Variants in RPF1 observed in about 807,000 individuals in gnomAD.
RPF1 encodes the protein ribosome production factor 1 homolog, also known as ribosome production factor 1.
RPF1 carries 34 observed loss-of-function variants against 41.9 expected under a neutral mutation model. The observed-to-expected ratio is 0.81, with a 90% confidence interval of 0.62 to 1.08. RPF1 has a LOEUF of 1.08. Ranked by LOEUF, RPF1 falls within the 50% of genes least tolerant of loss-of-function variation. RPF1 has a pLI of 0.00. For missense variants in RPF1, 425 were observed against 435.2 expected (o/e 0.98, Z 0.21); for synonymous variants, 140 against 148.9 (o/e 0.94, Z 0.43).
intron 3 of RPF1, among the ~76,000 whole-genome samples, chr1:84,487,702 TAA>T (rs920901784): frequency 1.3e-5 from 2 of 152,156 alleles, no homozygotes; most frequent in African/African-American, 2.4e-5. Context: ...CTAAAATAAT[TAA>T]AGAGTTGCCT....
chr1:84,492,529 G>GT (rs1359375743), intron 5 of RPF1, among the ~76,000 whole-genome samples: 3 of 152,038 alleles, frequency 2.0e-5, no homozygotes, highest in African/African-American at 7.3e-5. Context: ...CAATTTCCTC[G>GT]TTTTTTAAAT....
chr1:84,495,076 CTTT>C (rs35554372), intron 5 of RPF1, among the ~76,000 whole-genome samples: 1 of 134,024 alleles, frequency 7.5e-6, no homozygotes, highest in Admixed American at 7.3e-5. Flanking sequence ...AATTAAATAG[CTTT>C]TTTTCACCTA....
chr1:84,494,018 AGTTT>A (rs980747730), intron 5 of RPF1, among the ~76,000 whole-genome samples: 69 of 152,210 alleles, frequency 4.5e-4, no homozygotes, highest in African/African-American at 1.6e-3. Context: ...GAAGGTATCT[AGTTT>A]GTTTTTCACT....
rs949598138 is a variant in RPF1, at chr1:84,495,281, T to A, written c.617-92T>A. 4 of 699,852 alleles carry A rather than the reference T, an allele frequency of 5.7e-6. No homozygotes were observed. In the African/African-American group the frequency reaches 7.3e-5, roughly 13 times the overall value. 43.4% of individuals were successfully genotyped at this position (699,852 alleles called of 1,614,324 possible). Reference sequence around the variant, plus strand: ...TCTGCCTATTCACTTGGGTACAGATTTTAGGGGCCTTTGGATGTAGAGGAC... The same window carrying A: ...TCTGCCTATTCACTTGGGTACAGATATTAGGGGCCTTTGGATGTAGAGGAC... On this transcript the variant is annotated intron_variant, in intron 5 of 8. Coordinates refer to ENST00000370654, the MANE Select transcript of RPF1 (RefSeq NM_025065.7).
rs142813262 is a variant in RPF1 at position 84,479,295 on chromosome 1, G to A, written c.14G>A (p.Gly5Glu). The A allele has an allele frequency of 1.0e-3, 1,624 of 1,600,456 alleles. 4 individuals are homozygous for A. Among genetic ancestry groups the A allele is most frequent in the South Asian group, 1.6e-3 (142 of 89,744 alleles). ...GGAGCCAAGACCATGGCGAAAGCCG[G>A]GGATAAGAGCAGCAGCAGCGGGAAG... MAKA[G>E]DKSSSSGKKS... Residue 5 changes from glycine to glutamate, a missense_variant, in exon 1 of 9, where the codon GGG becomes GAG. By Grantham distance (98) the Gly-to-Glu change is moderately conservative (BLOSUM62 -2). Transcript: ENST00000370654.
At chr1:84,497,203 C>T (rs1418983304) in intron 8 of RPF1, among the ~76,000 whole-genome samples, 1 of 150,542 alleles carries the variant, frequency 6.6e-6, no homozygotes, top group Admixed American at 6.7e-5. Context: ...ATAAGCAGTA[C>T]TTCACTTAGT....
At position 84,490,368 on chromosome 1, in the gene RPF1, A is replaced by G. The variant is rs916645307; in HGVS notation, c.512A>G (p.His171Arg). Residue 171 changes from histidine to arginine, a missense_variant, in exon 5 of 9, where the codon CAT becomes CGT. Transcript: ENST00000370654. ...EQLSTVIPNS[H>R]VYYRRGLALK... ...CTCTCCACAGTTATACCAAACTCAC[A>G]TGTTTATTACAGAAGAGGACTGGCT... The G allele has an allele frequency of 1.9e-6, 3 of 1,611,028 alleles. No individual in the cohort carries two copies. Among genetic ancestry groups the G allele is most frequent in the Admixed American group, 1.7e-5 (1 of 59,564 alleles).
chr1:84,479,485 G>C lies in RPF1; in HGVS notation c.204G>C (p.Thr68=), dbSNP rs545982996. 2.3e-5 allele frequency: 37 copies of C among 1,614,052 alleles called. No individual in the cohort carries two copies. The highest frequency in any genetic ancestry group is 1.2e-4 in the Admixed American group (7 of 60,000). Residue 68 remains threonine (T), a synonymous_variant, in exon 1 of 9, where the codon ACG becomes ACC. Coordinates refer to ENST00000370654, the MANE Select transcript of RPF1 (RefSeq NM_025065.7). ...KNKQRRHLMF[T]RWKQQQRKEK... ...AACAGCGGCGACACTTAATGTTCAC[G>C]CGGTGGAAACAGCAGCAGCGGAAGG... is the stretch of plus-strand genomic sequence containing the variant.
chr1:84,488,767 T>C lies in RPF1; in HGVS notation c.367-866T>C, dbSNP rs185471436. Among the ~76,000 whole-genome samples, 30 of 152,264 alleles carry C rather than the reference T, an allele frequency of 2.0e-4. 1 individual carries two copies. The highest frequency in any genetic ancestry group is 6.7e-4 in the African/African-American group (28 of 41,580). On this transcript the variant is annotated intron_variant, in intron 3 of 8. Transcript: ENST00000370654. ...TTGTTTTGTTTGTCATGAATGAATG[T>C]AGAATGTTATTAGATGTTTTCTTTG...
At chr1:84,491,927 T>C (rs1464226954) in intron 5 of RPF1, among the ~76,000 whole-genome samples, 1 of 152,186 alleles carries the variant, frequency 6.6e-6, no homozygotes, top group African/African-American at 2.4e-5. Flanking sequence ...TTGGGAGGCC[T>C]AGGCCAGCAG....
Position 84,495,924 on chromosome 1 carries a change from C to A in RPF1, c.742C>A (p.Leu248Met). Residue 248 changes from leucine (L) to methionine (M), a missense_variant, in exon 7 of 9, where the codon CTG (leucine) becomes ATG (methionine). By Grantham distance (15) the Leu-to-Met change is conservative. Transcript: ENST00000370654. ...CACAGAACACATACCTGAAATAATT[C>A]TGAATAATTTTACAACACGGCTGGG... Reference protein sequence around the residue: ...DPTEHIPEIILNNFTTRLGHS... With the variant: ...DPTEHIPEIIMNNFTTRLGHS... 2 of 1,610,560 alleles carry A rather than the reference C, an allele frequency of 1.2e-6. No homozygotes were observed. Among genetic ancestry groups the A allele is most frequent in the Non-Finnish European group, 8.5e-7 (1 of 1,177,388 alleles).
rs979666715 is a variant in RPF1, at chr1:84,497,431, C to T, written c.1011C>T (p.Pro337=). ...ACTCCCTTGCTTTCCACTTTCAGCC[C>T]CGGGAAATGGATACAAGTAGAAGAA... ...KYGEYEWVHK[P]REMDTSRRKF... is the part of the protein sequence containing the mutation. The change falls in exon 9 of 9, where the codon CCC becomes CCT. Residue 337 remains proline (P), a splice_region_variant and synonymous_variant. Transcript: ENST00000370654. The T allele has an allele frequency of 6.2e-6, 10 of 1,609,024 alleles. No individual in the cohort carries two copies. Among genetic ancestry groups the T allele is most frequent in the Admixed American group, 3.4e-5 (2 of 59,484 alleles).
At chr1:84,492,870 G>A (rs1033700552) in intron 5 of RPF1, among the ~76,000 whole-genome samples, 2 of 152,218 alleles carry the variant, frequency 1.3e-5, no homozygotes, top group Non-Finnish European at 2.9e-5. Flanking sequence ...GTGAGCAGCT[G>A]TCAGCAGGGG....
intron 4 of RPF1, 118 bp from the exon 5 acceptor site, chr1:84,490,201 C>T: frequency 1.5e-6 from 1 of 656,162 alleles, no homozygotes; most frequent in Non-Finnish European, 2.4e-6. Flanking sequence ...ATGCTTTCCT[C>T]AATGTTGCTT....
intron 5 of RPF1, among the ~76,000 whole-genome samples, chr1:84,494,671 A>G (rs905253895): frequency 5.3e-5 from 8 of 152,226 alleles, no homozygotes; most frequent in African/African-American, 1.7e-4. Flanking sequence ...CAGGACTTCT[A>G]GAGTCCTTGG....
At chr1:84,480,639 G>T (rs1360607801) in intron 1 of RPF1, among the ~76,000 whole-genome samples, 1 of 152,024 alleles carries the variant, frequency 6.6e-6, no homozygotes, top group Non-Finnish European at 1.5e-5. Flanking sequence ...AAAACACAGT[G>T]GAAACCATCA....
At chr1:84,496,526 A>G (rs1490614722) in intron 8 of RPF1, among the ~76,000 whole-genome samples, 156 bp downstream of exon 8, 2 of 151,276 alleles carry the variant, frequency 1.3e-5, no homozygotes, top group Non-Finnish European at 2.9e-5. Context: ...ACGTTTACCT[A>G]TGTAACAAAC....
intron 4 of RPF1, among the ~76,000 whole-genome samples, chr1:84,490,035 C>T (rs1681804454): frequency 6.6e-6 from 1 of 152,124 alleles, no homozygotes; most frequent in East Asian, 1.9e-4. Flanking sequence ...CCAGTAGCAA[C>T]CACACACCAC....
At position 84,496,437 on chromosome 1, in the gene RPF1, G is replaced by A; in HGVS notation, c.1008+67G>A. ...TATGGGATAAGAGGGTGGGAGGAGA[G>A]AGAGCATCAGGAATAGCTAATGGAT... On this transcript the variant is annotated intron_variant, in intron 8 of 8. Transcript: ENST00000370654. 9 of 1,400,506 alleles carry A rather than the reference G, an allele frequency of 6.4e-6. 1 individual carries two copies. In the South Asian group the frequency reaches 1.2e-4, roughly 19 times the overall value. The allele number at this position is 1,400,506 out of a possible 1,614,324, so 86.8% of individuals were successfully genotyped here.
Sources: gnomAD v4.1 joint callset for allele counts (sites outside exome capture counted in the v4.1 genomes callset) on GRCh38, gnomAD v4.1.1 for gene constraint, MANE v1.5 for transcripts, NCBI Gene and HGNC (gene_info 2026-07-23, HGNC 2026-07-21) for gene names.